ATP13A4: variants seen among roughly 807,000 people sequenced by gnomAD.
ATP13A4 encodes probable cation-transporting ATPase 13A4.
Under a neutral mutation model 142.5 loss-of-function variants are expected in ATP13A4, and 114 were observed. That is an observed-to-expected ratio of 0.80 (90% CI 0.69 to 0.93). The LOEUF is 0.93. Ranked by LOEUF, ATP13A4 falls within the 40% of genes least tolerant of loss-of-function variation. The pLI is 0.00. For synonymous variants in ATP13A4, 488 were observed against 514.8 expected, an observed-to-expected ratio of 0.95 and a Z score of 0.70; for missense variants, 1,392 against 1,454.0, an observed-to-expected ratio of 0.96 and a Z score of 0.69.
rs1491375782 is a variant in ATP13A4, at chr3:193,573,289, A to ATATATT, written n.291+8417_291+8418insAATATA. Among the ~76,000 whole-genome samples the ATATATT allele has an allele frequency of 3.3e-4, 27 of 81,060 alleles. 1 individual carries two copies. The highest frequency in any genetic ancestry group is 8.9e-4 in the South Asian group (3 of 3,356). The allele number at this position is 81,060 out of a possible 152,430, so 53.2% of individuals were successfully genotyped here. The stretch of plus-strand genomic sequence containing the variant: ...TATATATATATACATATATATATAT[A>ATATATT]CACATATATATATATATACATATAT... On this transcript the variant is annotated intron_variant and non_coding_transcript_variant, in intron 2 of 3. Transcript: ENST00000489140.
intron 2 of ATP13A4, among the ~76,000 whole-genome samples, chr3:193,509,614 T>C (rs1036371746): frequency 1.3e-5 from 2 of 152,204 alleles, no homozygotes; most frequent in Non-Finnish European, 2.9e-5. Context: ...CTTTATAAAC[T>C]GTAAAGTGAA....
chr3:193,489,135 G>C lies in ATP13A4; in HGVS notation c.738+595C>G, dbSNP rs566258199. On this transcript the variant is annotated intron_variant, in intron 7 of 29. Transcript: ENST00000342695. ...TCTCAGACACCAGAGGACAGAGATG[G>C]CTTGAAACCTTAATTTCAGAGAACA... 7.9e-5 allele frequency among the ~76,000 whole-genome samples: 12 copies of C among 152,298 alleles called. No individual in the cohort carries two copies. In the East Asian group the frequency reaches 2.1e-3, roughly 27 times the overall value.
chr3:193,458,790 A>G, intron 14 of ATP13A4: 1 of 594,412 alleles, frequency 1.7e-6, no homozygotes, highest in Non-Finnish European at 3.0e-6. Context: ...TAACTGCATA[A>G]TAAGTACAAT....
intron 18 of ATP13A4, among the ~76,000 whole-genome samples, chr3:193,447,717 T>G (rs1320027938): frequency 6.6e-6 from 1 of 152,198 alleles, no homozygotes; most frequent in Non-Finnish European, 1.5e-5. Flanking sequence ...GATTTGGAGT[T>G]GGGATTGGGA....
intron 1 of ATP13A4, among the ~76,000 whole-genome samples, chr3:193,551,243 C>T (rs887663951): frequency 3.3e-5 from 5 of 152,120 alleles, no homozygotes; most frequent in African/African-American, 1.2e-4. Context: ...GAAACACCAT[C>T]TCTTCTAAAA....
chr3:193,551,596 T>C (rs1723569484), intron 1 of ATP13A4, among the ~76,000 whole-genome samples: 1 of 152,234 alleles, frequency 6.6e-6, no homozygotes, highest in Non-Finnish European at 1.5e-5. Context: ...AACATGTTTA[T>C]ATGGATTATC....
chr3:193,457,705 G>A (rs148793970), intron 14 of ATP13A4, among the ~76,000 whole-genome samples: 89 of 152,338 alleles, frequency 5.8e-4, no homozygotes, highest in African/African-American at 2.1e-3. Context: ...TGTTTTCTCT[G>A]TTGGAATGTG....
chr3:193,526,561 G>A lies in ATP13A4; in HGVS notation c.61-11690C>T, dbSNP rs549514284. Among the ~76,000 whole-genome samples, 5 of 152,170 alleles carry A rather than the reference G, an allele frequency of 3.3e-5. No individual in the cohort carries two copies. The East Asian group carries it at 7.7e-4, about 24-fold the overall frequency. ...GGTGCAGCAAACCACTATGGCACACGTATATCTACATAAGAAACCTGCATG... is the reference window on the plus strand; with the variant it reads ...GGTGCAGCAAACCACTATGGCACACATATATCTACATAAGAAACCTGCATG... On this transcript the variant is annotated intron_variant, in intron 1 of 29. Transcript: ENST00000342695.
At chr3:193,470,747 T>C in intron 9 of ATP13A4, 112 bp downstream of exon 9, 2 of 1,507,196 alleles carry the variant, frequency 1.3e-6, no homozygotes, top group South Asian at 1.1e-5. Flanking sequence ...TAGCAGCCAG[T>C]GCTTTACAGC....
chr3:193,479,736 T>C (rs1369764358), intron 8 of ATP13A4, among the ~76,000 whole-genome samples: 1 of 152,006 alleles, frequency 6.6e-6, no homozygotes, highest in Non-Finnish European at 1.5e-5. Context: ...GAAAATACCA[T>C]CATCATTCTT....
At chr3:193,484,392 T>A (rs1355056081) in intron 7 of ATP13A4, among the ~76,000 whole-genome samples, 1 of 151,990 alleles carries the variant, frequency 6.6e-6, no homozygotes, top group Non-Finnish European at 1.5e-5. Context: ...CTCATAATAT[T>A]TGCTGTTCTA....
At chr3:193,569,206 T>G (rs1724204973) in intron 2 of ATP13A4, among the ~76,000 whole-genome samples, 2 of 152,362 alleles carry the variant, frequency 1.3e-5, no homozygotes, top group South Asian at 4.1e-4. Flanking sequence ...CTCTGTGCAC[T>G]TCTTCCCAAA....
intron 18 of ATP13A4, among the ~76,000 whole-genome samples, chr3:193,448,003 T>C (rs770853193): frequency 1.3e-5 from 2 of 152,228 alleles, no homozygotes; most frequent in Non-Finnish European, 2.9e-5. Context: ...CTGATACTAT[T>C]TGACTGATTG....
chr3:193,576,295 C>G (rs113367729), intron 2 of ATP13A4, among the ~76,000 whole-genome samples: 1 of 109,812 alleles, frequency 9.1e-6, no homozygotes, highest in Non-Finnish European at 1.7e-5. Context: ...GACGGAGTCT[C>G]GCTCTGTCGC....
At position 193,420,149 on chromosome 3, in the gene ATP13A4, CTA is replaced by C. The variant is rs1334253851; in HGVS notation, c.2843-5401_2843-5400del. 2.0e-5 allele frequency among the ~76,000 whole-genome samples: 3 copies of C among 149,930 alleles called. No individual in the cohort carries two copies. The Admixed American group carries it at 2.1e-4, about 10-fold the overall frequency. On this transcript the variant is annotated intron_variant, in intron 25 of 29. Coordinates refer to ENST00000342695, the MANE Select transcript of ATP13A4 (RefSeq NM_032279.4). Reference sequence around the variant, plus strand: ...TCACAGCCTCTCTAAGGTCTCCCTGCTATAACCCAGCACTACTGCAGCTGCTT... The same window carrying C: ...TCACAGCCTCTCTAAGGTCTCCCTGCTAACCCAGCACTACTGCAGCTGCTT...
At chr3:193,439,396 T>A (rs745631375) in intron 21 of ATP13A4, among the ~76,000 whole-genome samples, 1 of 152,226 alleles carries the variant, frequency 6.6e-6, no homozygotes, top group Non-Finnish European at 1.5e-5. Context: ...TGAAACCAGA[T>A]GCAGATGTTG....
At chr3:193,584,248 G>A (rs1184765792) in intron 1 of ATP13A4, among the ~76,000 whole-genome samples, 1 of 152,132 alleles carries the variant, frequency 6.6e-6, no homozygotes, top group African/African-American at 2.4e-5. Context: ...GGAGGTGGAA[G>A]GATTAGCATT....
intron 1 of ATP13A4, among the ~76,000 whole-genome samples, chr3:193,539,272 T>C (rs899563415): frequency 6.6e-6 from 1 of 152,156 alleles, no homozygotes; most frequent in African/African-American, 2.4e-5. Flanking sequence ...AGAAACAACA[T>C]GAAGGAAAGC....
intron 1 of ATP13A4, among the ~76,000 whole-genome samples, chr3:193,526,324 C>A (rs1003538720): frequency 6.6e-6 from 1 of 152,150 alleles, no homozygotes; most frequent in Non-Finnish European, 1.5e-5. Flanking sequence ...TGGAAGCCAT[C>A]ATTCTGAGCA....
Sources: allele counts gnomAD v4.1 joint callset (sites outside exome capture counted in the v4.1 genomes callset), GRCh38; gene constraint gnomAD v4.1.1; transcripts MANE v1.5; gene names NCBI Gene and HGNC (gene_info 2026-07-23, HGNC 2026-07-21).